Variants in DNAH8 observed in about 807,000 individuals in gnomAD.
DNAH8 encodes dynein axonemal heavy chain 8.
A neutral mutation model predicts 562.1 loss-of-function variants in DNAH8; 382 were observed. The ratio of observed to expected loss-of-function variants is 0.68; its 90% CI spans 0.63 to 0.74. The LOEUF is 0.74. Ranked by LOEUF, DNAH8 falls within the 30% of genes least tolerant of loss-of-function variation. The probability of loss-of-function intolerance (pLI) is 0.00; values close to 1 mark genes in which losing one functional copy is unlikely to be tolerated. For missense variants in DNAH8, 5,203 were observed against 5,620.4 expected, an observed-to-expected ratio of 0.93 and a Z score of 2.37; for synonymous variants, 1,881 against 1,919.4, an observed-to-expected ratio of 0.98 and a Z score of 0.52.
intron 88 of DNAH8, among the ~76,000 whole-genome samples, chr6:38,999,291 G>A (rs1583540475): frequency 6.6e-6 from 1 of 152,130 alleles, no homozygotes; most frequent in Non-Finnish European, 1.5e-5. Context: ...GGTCATCTCT[G>A]CAATGGTGTG....
At chr6:38,875,545 T>C (rs1174282416) in intron 52 of DNAH8, 46 bp from the exon 53 acceptor site, 1 of 1,177,200 alleles carries the variant, frequency 8.5e-7, no homozygotes, top group Admixed American at 2.9e-5. Flanking sequence ...ATTTTTTATT[T>C]TCAAAATTTT....
intron 29 of DNAH8, 118 bp downstream of exon 29, chr6:38,826,509 A>G (rs1583112423): frequency 4.4e-6 from 3 of 684,990 alleles, no homozygotes; most frequent in Non-Finnish European, 7.4e-6. Flanking sequence ...CAGTCTGCCT[A>G]TTTCTCGTCT....
intron 21 of DNAH8, among the ~76,000 whole-genome samples, chr6:38,793,021 A>C (rs1769903418): frequency 6.6e-6 from 1 of 151,986 alleles, no homozygotes; most frequent in Non-Finnish European, 1.5e-5. Flanking sequence ...AACTCAAGCG[A>C]TCCACCCACT....
rs78814586 is a variant in DNAH8, at chr6:38,863,570, C to T, written c.6311-303C>T. On this transcript the variant is annotated intron_variant, in intron 44 of 92. Transcript: ENST00000327475. ...CAACTTCGACCTATCCTTTACTCCGCTCTTTCTCTTATACTCAGATCCAAT... is the reference window on the plus strand; with the variant it reads ...CAACTTCGACCTATCCTTTACTCCGTTCTTTCTCTTATACTCAGATCCAAT... Among the ~76,000 whole-genome samples, 9,937 of 152,282 alleles carry T rather than the reference C, an allele frequency of 0.065. 462 individuals are homozygous for T. Among genetic ancestry groups the T allele is most frequent in the Middle Eastern group, 0.11 (31 of 294 alleles).
intron 8 of DNAH8, among the ~76,000 whole-genome samples, chr6:38,742,961 A>G (rs1311755534): frequency 6.9e-6 from 1 of 145,308 alleles, no homozygotes; most frequent in Non-Finnish European, 1.5e-5. Flanking sequence ...TGCCTGTTAG[A>G]TCGAGCTTGA....
intron 80 of DNAH8, 119 bp downstream of exon 80, chr6:38,945,707 T>G (rs1453287890): frequency 3.0e-6 from 4 of 1,344,762 alleles, no homozygotes; most frequent in Non-Finnish European, 4.1e-6. Flanking sequence ...CCCAATAGTT[T>G]GGATTTGAGG....
intron 18 of DNAH8, among the ~76,000 whole-genome samples, chr6:38,787,310 A>C (rs909521181): frequency 6.6e-6 from 1 of 152,174 alleles, no homozygotes; most frequent in Non-Finnish European, 1.5e-5. Context: ...TGGGGTGACT[A>C]TACAATACAA....
Position 38,890,749 on chromosome 6 carries a change from G to C in DNAH8, c.8571G>C (p.Trp2857Cys). 1 of 1,610,618 alleles carries C rather than the reference G, an allele frequency of 6.2e-7. No homozygotes were observed. Residue 2857 changes from tryptophan (W) to cysteine (C), a missense_variant, in exon 58 of 93, where the codon TGG becomes TGC. This residue lies in a region of DNAH8 where 977 missense variants were observed against 1,061.8 expected (regional missense o/e 0.92). Transcript: ENST00000327475. ...VNLVSVGRVL[W>C]QWTKVKMLPT... ...TAGTCTCAGTGGGTAGAGTGCTGTGGCAATGGACTAAGGTACAGAATGGTT... is the reference window on the plus strand; with the variant it reads ...TAGTCTCAGTGGGTAGAGTGCTGTGCCAATGGACTAAGGTACAGAATGGTT...
intron 89 of DNAH8, among the ~76,000 whole-genome samples, chr6:39,010,016 T>A (rs549630551): frequency 6.6e-6 from 1 of 152,304 alleles, no homozygotes; most frequent in South Asian, 2.1e-4. Context: ...TAAAACTTAC[T>A]CTAAAAGATT....
At chr6:38,996,033 C>CAGG (rs1410575455) in intron 88 of DNAH8, among the ~76,000 whole-genome samples, 4 of 152,238 alleles carry the variant, frequency 2.6e-5, no homozygotes, top group Non-Finnish European at 5.9e-5. Flanking sequence ...GAGCCAGAGG[C>CAGG]TCCTCTTCAC....
chr6:38,982,372 A>T lies in DNAH8; in HGVS notation c.12861A>T (p.Gly4287=). ...AGCGACGAAAATTTGGCCCCTTAGG[A>T]TGGAATATTCCCTACGAATTCAATT... ...VQERRKFGPL[G]WNIPYEFNSA... The change falls in exon 86 of 93, where the codon GGA becomes GGT. Residue 4287 remains glycine (G), a synonymous_variant. Transcript: ENST00000327475. 6.2e-7 allele frequency: 1 copy of T among 1,608,624 alleles called. No homozygotes were observed. The highest frequency in any genetic ancestry group is 8.5e-7 in the Non-Finnish European group (1 of 1,175,558).
At chr6:38,802,049 C>T (rs1770825356) in intron 21 of DNAH8, among the ~76,000 whole-genome samples, 1 of 151,896 alleles carries the variant, frequency 6.6e-6, no homozygotes, top group African/African-American at 2.4e-5. Flanking sequence ...CCTCTTGCCT[C>T]AACCTCCTGA....
chr6:38,740,180 T>G (rs1300700079), intron 7 of DNAH8, among the ~76,000 whole-genome samples: 1 of 152,214 alleles, frequency 6.6e-6, no homozygotes, highest in African/African-American at 2.4e-5. Flanking sequence ...CATTGACTGT[T>G]GCAGGCTAAT....
intron 89 of DNAH8, among the ~76,000 whole-genome samples, chr6:39,009,443 A>T (rs1469738712): frequency 6.6e-6 from 1 of 152,170 alleles, no homozygotes; most frequent in Non-Finnish European, 1.5e-5. Flanking sequence ...CACTTCTGAA[A>T]CTCATTGAAT....
rs548884160 is a variant in DNAH8, at chr6:38,881,455, A to G, written c.7859-1455A>G. Among the ~76,000 whole-genome samples the G allele has an allele frequency of 9.2e-5, 14 of 152,320 alleles. No homozygotes were observed. In the South Asian group the frequency reaches 2.9e-3, roughly 32 times the overall value. ...AATGGCAATGATAGGAATAACGCCA[A>G]TACAAGTTTGCCTAGCAACAGCAAT... On this transcript the variant is annotated intron_variant, in intron 53 of 92. Coordinates refer to ENST00000327475, the MANE Select transcript of DNAH8 (RefSeq NM_001206927.2).
chr6:38,950,253 A>G (rs1761782892), intron 81 of DNAH8, among the ~76,000 whole-genome samples: 1 of 150,742 alleles, frequency 6.6e-6, no homozygotes, highest in Middle Eastern at 3.2e-3. Flanking sequence ...CAGAGGAGTA[A>G]AGCAGGGGAG....
intron 53 of DNAH8, among the ~76,000 whole-genome samples, chr6:38,881,770 C>T (rs1408683421): frequency 2.6e-5 from 4 of 152,054 alleles, no homozygotes; most frequent in Middle Eastern, 3.2e-3. Flanking sequence ...AGGCTGGTCG[C>T]GAACTTCCAA....
chr6:38,929,454 T>C (rs986621199), intron 74 of DNAH8, 57 bp from the exon 75 acceptor site: 81 of 1,447,108 alleles, frequency 5.6e-5, no homozygotes, highest in Non-Finnish European at 6.4e-5. Context: ...TCGGTTTCCC[T>C]TAGCAATGGG....
chr6:38,940,222 C>T (rs1783325911), intron 79 of DNAH8, among the ~76,000 whole-genome samples: 1 of 152,012 alleles, frequency 6.6e-6, no homozygotes, highest in Non-Finnish European at 1.5e-5. Flanking sequence ...CCTAACCTAG[C>T]GTAAAGGCAA....
Sources: allele counts gnomAD v4.1 joint callset (sites outside exome capture counted in the v4.1 genomes callset), GRCh38; gene constraint gnomAD v4.1.1; regional missense constraint gnomAD v4.1.1; transcripts MANE v1.5; gene names NCBI Gene and HGNC (gene_info 2026-07-23, HGNC 2026-07-21).